The following PRH1 variants were observed in gnomAD, a reference collection of about 807,000 sequenced individuals.
PRH1 encodes the protein salivary acidic proline-rich phosphoprotein 1/2.
Under a neutral mutation model 7.9 loss-of-function variants are expected in PRH1, and 7 were observed. That is an observed-to-expected ratio of 0.89 (90% CI 0.50 to 1.67). The LOEUF (loss-of-function observed/expected upper bound fraction) is 1.67. Ranked by LOEUF, PRH1 falls within the 40% of genes most tolerant of loss-of-function variation. The pLI is 0.00. For missense variants in PRH1, 109 were observed against 223.6 expected, an observed-to-expected ratio of 0.49 and a Z score of 3.27; for synonymous variants, 45 against 80.8, an observed-to-expected ratio of 0.56 and a Z score of 2.38.
At chr12:11,106,734 T>C (rs547465797) in intron 1 of PRH1, among the ~76,000 whole-genome samples, 27 of 152,344 alleles carry the variant, frequency 1.8e-4, no homozygotes, top group African/African-American at 6.5e-4. Context: ...CAGAAGATTG[T>C]GGAGTCAGAC....
At chr12:11,108,996 C>T (rs1208762878) in intron 1 of PRH1, among the ~76,000 whole-genome samples, 4 of 152,268 alleles carry the variant, frequency 2.6e-5, no homozygotes, top group African/African-American at 4.8e-5. Flanking sequence ...AGGATGTCCG[C>T]CATTACTGGG....
upstream of PRH1, among the ~76,000 whole-genome samples, chr12:11,050,591 C>T (rs1176603350): frequency 1.9e-5 from 2 of 107,044 alleles, no homozygotes; most frequent in Non-Finnish European, 4.4e-5. Context: ...CCAACATAGG[C>T]CTTTGGTAAA....
chr12:10,886,718 C>T (rs1310802956), upstream of PRH1, among the ~76,000 whole-genome samples: 1 of 152,200 alleles, frequency 6.6e-6, no homozygotes, highest in African/African-American at 2.4e-5. Flanking sequence ...TAGGATTCAT[C>T]TCTCATAACA....
chr12:11,101,029 A>C (rs1945227098), intron 1 of PRH1, among the ~76,000 whole-genome samples: 2 of 152,216 alleles, frequency 1.3e-5, no homozygotes, highest in Admixed American at 1.3e-4. Context: ...AAATTCCTGA[A>C]TTTCTTACAC....
At chr12:11,013,759 T>G (rs1404460000) in intron 1 of PRH1, among the ~76,000 whole-genome samples, 1 of 152,194 alleles carries the variant, frequency 6.6e-6, no homozygotes, top group African/African-American at 2.4e-5. Context: ...AGACATGGTC[T>G]CACTCTGGAG....
intron 1 of PRH1, among the ~76,000 whole-genome samples, chr12:11,098,978 T>C (rs1205511161): frequency 6.6e-6 from 1 of 152,172 alleles, no homozygotes; most frequent in East Asian, 1.9e-4. Context: ...TATTTATTTA[T>C]CAAACATATC....
In PRH1 at chr12:11,082,983, G is replaced by A. The variant is rs905652584; in HGVS notation, n.124-35795C>T. ...GTAGTTACACTACATATGTTTTAAG[G>A]CTTAACAAAATTATCTTTCTATGAA... On this transcript the variant is annotated intron_variant and non_coding_transcript_variant, in intron 1 of 4. Coordinates refer to the PRH1 transcript ENST00000541977. 1.1e-4 allele frequency among the ~76,000 whole-genome samples: 11 copies of A among 101,886 alleles called. 4 individuals are homozygous for A. The highest frequency in any genetic ancestry group is 2.1e-4 in the Non-Finnish European group (9 of 42,252). 66.8% of individuals were successfully genotyped at this position (101,886 alleles called of 152,430 possible). A position where few individuals can be genotyped will look rare whatever the true frequency, so the allele number is the denominator to read the frequency against.
intron 1 of PRH1, among the ~76,000 whole-genome samples, chr12:11,160,304 A>G (rs932101259): frequency 3.3e-5 from 5 of 152,192 alleles, no homozygotes; most frequent in Non-Finnish European, 7.3e-5. Context: ...CAAGTCCTAA[A>G]ACTATTAATA....
At chr12:11,020,649 T>C (rs950604943) in intron 1 of PRH1, among the ~76,000 whole-genome samples, 1 of 151,612 alleles carries the variant, frequency 6.6e-6, no homozygotes, top group African/African-American at 2.4e-5. Flanking sequence ...ATCAATTATA[T>C]AGATTTCACA....
chr12:11,121,631 T>A (rs1280846381), intron 1 of PRH1, among the ~76,000 whole-genome samples: 1 of 152,216 alleles, frequency 6.6e-6, no homozygotes, highest in Non-Finnish European at 1.5e-5. Flanking sequence ...AAACGAATTT[T>A]TTTTCTAAGC....
At chr12:10,968,349 T>TG (rs1938613637) in intron 2 of PRH1, among the ~76,000 whole-genome samples, 1 of 152,192 alleles carries the variant, frequency 6.6e-6, no homozygotes, top group Non-Finnish European at 1.5e-5. Context: ...ATAATGATAT[T>TG]CTTTATTTAA....
chr12:10,897,044 G>C (rs575116617), intron 2 of PRH1: 24 of 152,228 alleles, frequency 1.6e-4, no homozygotes, highest in African/African-American at 4.6e-4. Context: ...CCCACATGCA[G>C]AGGCCATGTG....
intron 1 of PRH1, among the ~76,000 whole-genome samples, chr12:11,055,517 A>T (rs2136164163): frequency 6.6e-6 from 1 of 152,402 alleles, no homozygotes; most frequent in African/African-American, 2.4e-5. Context: ...GGGCCATGCT[A>T]CTGAATGAGT....
At chr12:11,122,422 T>C (rs1237818956) in intron 1 of PRH1, among the ~76,000 whole-genome samples, 1 of 152,276 alleles carries the variant, frequency 6.6e-6, no homozygotes, top group Non-Finnish European at 1.5e-5. Flanking sequence ...TAATGTAGTT[T>C]TGGAGGATTT....
intron 2 of PRH1, among the ~76,000 whole-genome samples, chr12:10,934,126 C>T (rs1950252329): frequency 6.6e-6 from 1 of 152,192 alleles, no homozygotes; most frequent in South Asian, 2.1e-4. Flanking sequence ...GCCTAGTCTT[C>T]GAATTTTTAA....
At chr12:11,022,064 T>C (rs1246490682) in intron 1 of PRH1, 7 of 1,613,948 alleles carry the variant, frequency 4.3e-6, no homozygotes, top group Non-Finnish European at 5.9e-6. Flanking sequence ...TGTATTGCAT[T>C]CCTCAATTTG....
chr12:10,983,104 A>G (rs1378578964), intron 1 of PRH1, among the ~76,000 whole-genome samples: 2 of 152,216 alleles, frequency 1.3e-5, no homozygotes, highest in Admixed American at 6.5e-5. Flanking sequence ...AAGTTGCTAC[A>G]GGCATGCATA....
intron 1 of PRH1, among the ~76,000 whole-genome samples, chr12:11,103,945 T>C (rs1945331702): frequency 2.6e-5 from 4 of 151,996 alleles, no homozygotes; most frequent in African/African-American, 9.7e-5. Context: ...AATTACTTTT[T>C]CTAGTAACCA....
At chr12:11,016,493 G>A (rs1941301325) in intron 1 of PRH1, among the ~76,000 whole-genome samples, 1 of 152,116 alleles carries the variant, frequency 6.6e-6, no homozygotes, top group South Asian at 2.1e-4. Flanking sequence ...CTAATTTTTT[G>A]TTGTTGTTTT....
Sources: gnomAD v4.1 joint callset for allele counts (sites outside exome capture counted in the v4.1 genomes callset) on GRCh38, gnomAD v4.1.1 for gene constraint, MANE v1.5 for transcripts, NCBI Gene and HGNC (gene_info 2026-07-23, HGNC 2026-07-21) for gene names.